Variants in TRPM3 observed in about 807,000 individuals in gnomAD.
TRPM3 encodes long transient receptor potential channel 3.
Under a neutral mutation model 181.2 loss-of-function variants are expected in TRPM3, and 77 were observed. The observed-to-expected ratio is 0.42, with a 90% CI of 0.35 to 0.51. The LOEUF (loss-of-function observed/expected upper bound fraction) is 0.51. Among genes scored for constraint, TRPM3 ranks in the 20% least tolerant of loss-of-function variants. TRPM3 has a pLI of 0.01. For synonymous variants in TRPM3, 745 were observed against 796.4 expected (o/e 0.94, Z 1.09); for missense variants, 1,759 against 2,196.7 (o/e 0.80, Z 3.98).
intron 1 of TRPM3, among the ~76,000 whole-genome samples, chr9:71,388,520 A>G (rs1030982933): frequency 6.6e-6 from 1 of 152,168 alleles, no homozygotes; most frequent in Non-Finnish European, 1.5e-5. Flanking sequence ...CAATGACAGT[A>G]TGAAAAACTT....
In TRPM3 at chr9:71,245,638, G is replaced by A. The variant is rs548917758; in HGVS notation, c.183+201015C>T. Among the ~76,000 whole-genome samples, 4 of 152,322 alleles carry A rather than the reference G, an allele frequency of 2.6e-5. No individual in the cohort carries two copies. The East Asian group carries it at 5.8e-4, about 22-fold the overall frequency. On this transcript the variant is annotated intron_variant, in intron 1 of 24. Transcript: ENST00000357533. The stretch of plus-strand genomic sequence containing the variant: ...AGTGGGATAGGCTTTAACCAGGGCA[G>A]TAGTGGTGGAAATGAAATAACTAAA...
At chr9:71,278,239 G>A (rs762480520) in intron 1 of TRPM3, among the ~76,000 whole-genome samples, 2 of 152,208 alleles carry the variant, frequency 1.3e-5, no homozygotes, top group East Asian at 1.9e-4. Context: ...CATGATCCCA[G>A]ATTAGAAGAG....
At chr9:71,094,101 G>T (rs2066708045) in intron 1 of TRPM3, among the ~76,000 whole-genome samples, 1 of 144,724 alleles carries the variant, frequency 6.9e-6, no homozygotes. Context: ...GGGGGTGGGG[G>T]GCAAGGGGAG....
intron 1 of TRPM3, among the ~76,000 whole-genome samples, chr9:71,049,844 C>G (rs1336719136): frequency 6.6e-6 from 1 of 152,150 alleles, no homozygotes; most frequent in Non-Finnish European, 1.5e-5. Flanking sequence ...TGGGAAAGTT[C>G]CCTTACTTTC....
chr9:71,202,261 G>A (rs2078851316), intron 1 of TRPM3, among the ~76,000 whole-genome samples: 1 of 152,036 alleles, frequency 6.6e-6, no homozygotes, highest in Admixed American at 6.6e-5. Context: ...CTCCCAGTTA[G>A]GCTGCTCGGG....
chr9:70,995,857 C>T (rs187292347), intron 1 of TRPM3, among the ~76,000 whole-genome samples: 1 of 152,292 alleles, frequency 6.6e-6, no homozygotes, highest in East Asian at 1.9e-4. Flanking sequence ...GTCTTGGTGT[C>T]TCAACTTTGG....
At position 70,669,416 on chromosome 9, in the gene TRPM3, G is replaced by A. The variant is rs367785189; in HGVS notation, c.1345+12090C>T. Among the ~76,000 whole-genome samples the A allele has an allele frequency of 8.1e-4, 123 of 152,256 alleles. 2 individuals carry two copies. In the South Asian group the frequency reaches 0.019, roughly 24 times the overall value. ...GTCTACATGTTACAGCTTTTCTCCTGGTTATGACCCTGAAACAAAGAACAC... is the reference window on the plus strand; with the variant it reads ...GTCTACATGTTACAGCTTTTCTCCTAGTTATGACCCTGAAACAAAGAACAC... On this transcript the variant is annotated intron_variant, in intron 9 of 25. Transcript: ENST00000677713.
chr9:71,229,675 C>T lies in TRPM3; in HGVS notation c.183+216978G>A, dbSNP rs148127369. Among the ~76,000 whole-genome samples the T allele has an allele frequency of 5.6e-4, 85 of 152,180 alleles. No individual in the cohort carries two copies. In the Middle Eastern group the frequency reaches 0.01, roughly 18 times the overall value. On this transcript the variant is annotated intron_variant, in intron 1 of 24. Transcript: ENST00000357533. ...AGAAGACAAATGACAAATAGGTATA[C>T]GCAAACATGCTCAAGCTCACTGATC...
chr9:70,811,903 G>T (rs755250810), intron 6 of TRPM3, among the ~76,000 whole-genome samples: 13 of 152,010 alleles, frequency 8.6e-5, no homozygotes, highest in Non-Finnish European at 1.6e-4. Flanking sequence ...TCTGGCCAAG[G>T]TATAGATATA....
chr9:70,864,347 C>A (rs2095592545), intron 2 of TRPM3, 85 bp downstream of exon 2: 2 of 899,216 alleles, frequency 2.2e-6, no homozygotes, highest in Admixed American at 5.9e-5. Flanking sequence ...GACAGTGTTT[C>A]CCTTGTAACA....
chr9:71,114,111 T>C (rs2071740875), intron 1 of TRPM3, among the ~76,000 whole-genome samples: 1 of 152,198 alleles, frequency 6.6e-6, no homozygotes, highest in Non-Finnish European at 1.5e-5. Flanking sequence ...CCTTATCAGT[T>C]ATCTATTTTA....
intron 1 of TRPM3, among the ~76,000 whole-genome samples, chr9:71,440,918 T>G (rs1444973044): frequency 6.6e-6 from 1 of 152,244 alleles, no homozygotes; most frequent in Non-Finnish European, 1.5e-5. Flanking sequence ...TAAGTTATTT[T>G]TAATGATTCC....
chr9:70,798,488 T>G (rs2087864272), intron 6 of TRPM3, among the ~76,000 whole-genome samples: 2 of 152,194 alleles, frequency 1.3e-5, no homozygotes, highest in South Asian at 2.1e-4. Context: ...ATGATCCCAT[T>G]TTTTTAAAAG....
chr9:70,625,468 GTT>G lies in TRPM3; in HGVS notation c.1668+12_1668+13del, dbSNP rs1564611533. On this transcript the variant is annotated intron_variant, in intron 13 of 25. Transcript: ENST00000677713. The surrounding 1 kb of genome is among the most constrained non-coding windows in gnomAD (Gnocchi z 4.8). Reference sequence around the variant, plus strand: ...AACATATGAATGTATTATTATGCTGGTTAATTAATTCACCTTAAAATAGATCC... The same window carrying G: ...AACATATGAATGTATTATTATGCTGGAATTAATTCACCTTAAAATAGATCC... 6 of 1,608,366 alleles carry G rather than the reference GTT, an allele frequency of 3.7e-6. No homozygotes were observed. Among genetic ancestry groups the G allele is most frequent in the Middle Eastern group, 3.3e-4 (2 of 6,030 alleles).
chr9:71,044,740 C>T (rs191083581), intron 1 of TRPM3, among the ~76,000 whole-genome samples: 135 of 152,212 alleles, frequency 8.9e-4, no homozygotes, highest in African/African-American at 3.1e-3. Flanking sequence ...GGCGCGGCCT[C>T]GGCTCACTGC....
chr9:70,998,258 TATATA>T (rs1358079420), intron 1 of TRPM3, among the ~76,000 whole-genome samples: 2 of 133,068 alleles, frequency 1.5e-5, no homozygotes, highest in African/African-American at 5.3e-5. Flanking sequence ...CACATATATA[TATATA>T]TATTTTTTTT....
intron 1 of TRPM3, among the ~76,000 whole-genome samples, chr9:71,272,933 G>A (rs2083918513): frequency 6.6e-6 from 1 of 151,160 alleles, no homozygotes; most frequent in South Asian, 2.1e-4. Flanking sequence ...GGAGTGCAGT[G>A]GCATGATCTC....
At chr9:70,679,726 A>G (rs2064958163) in intron 9 of TRPM3, among the ~76,000 whole-genome samples, 1 of 152,262 alleles carries the variant, frequency 6.6e-6, no homozygotes, top group African/African-American at 2.4e-5. Context: ...ATTGTAAAGA[A>G]TAAACAAATG....
chr9:70,857,158 T>C (rs984028762), intron 3 of TRPM3, among the ~76,000 whole-genome samples: 2 of 152,200 alleles, frequency 1.3e-5, no homozygotes, highest in African/African-American at 4.8e-5. Context: ...CTGACATTTA[T>C]GGGGCATCTG....
Sources: gnomAD v4.1 joint callset for allele counts (sites outside exome capture counted in the v4.1 genomes callset) on GRCh38, gnomAD v4.1.1 for gene constraint, Gnocchi (gnomAD v3.1) non-coding constraint, MANE v1.5 for transcripts, NCBI Gene and HGNC (gene_info 2026-07-23, HGNC 2026-07-21) for gene names.